The following PRKG1 variants were observed in gnomAD, a reference collection of about 807,000 sequenced individuals.
PRKG1 encodes protein kinase cGMP-dependent 1, also known as cGMP-dependent protein kinase 1.
Under a neutral mutation model 88.1 loss-of-function variants are expected in PRKG1, and 35 were observed. That is an observed-to-expected ratio of 0.40 (90% CI 0.30 to 0.53). PRKG1 has a LOEUF of 0.53. Among genes scored for constraint, PRKG1 ranks in the 20% least tolerant of loss-of-function variants. The pLI is 0.59. For missense variants in PRKG1, 540 were observed against 839.8 expected (o/e 0.64, Z 4.41); for synonymous variants, 303 against 292.5 (o/e 1.04, Z -0.37).
intron 3 of PRKG1, among the ~76,000 whole-genome samples, chr10:51,539,057 A>G (rs1469323373): frequency 6.6e-6 from 1 of 152,080 alleles, no homozygotes; most frequent in Non-Finnish European, 1.5e-5. Flanking sequence ...GGTGTTATGT[A>G]ATAGAGGAAA....
At chr10:51,447,183 A>T (rs571512256) in intron 2 of PRKG1, among the ~76,000 whole-genome samples, 5 of 152,156 alleles carry the variant, frequency 3.3e-5, no homozygotes, top group Admixed American at 2.6e-4. Flanking sequence ...GGCCATAAGT[A>T]GTCTCATATT....
chr10:51,004,034 GTATT>G (rs1842916008), intron 1 of PRKG1, among the ~76,000 whole-genome samples: 2 of 152,178 alleles, frequency 1.3e-5, no homozygotes, highest in South Asian at 4.1e-4. Context: ...TGTTATTTAT[GTATT>G]TATTTATAGG....
At chr10:51,829,254 T>C (rs188540665) in intron 4 of PRKG1, among the ~76,000 whole-genome samples, 25 of 152,346 alleles carry the variant, frequency 1.6e-4, no homozygotes, top group African/African-American at 6.0e-4. Flanking sequence ...CCATGTCTTC[T>C]TATGCTTTCA....
chr10:51,140,126 T>C (rs1457475887), intron 1 of PRKG1, among the ~76,000 whole-genome samples: 4 of 152,230 alleles, frequency 2.6e-5, no homozygotes, highest in Admixed American at 2.0e-4. Flanking sequence ...TCACTGATCC[T>C]TGAGTCTCAG....
intron 4 of PRKG1, among the ~76,000 whole-genome samples, chr10:51,877,213 C>T (rs1432919201): frequency 6.6e-6 from 1 of 152,140 alleles, no homozygotes; most frequent in Non-Finnish European, 1.5e-5. Flanking sequence ...TGGTGCACTA[C>T]CACCTGTACC....
In PRKG1 at chr10:51,677,893, A is replaced by T. The variant is rs564612744; in HGVS notation, c.593-126692A>T. Among the ~76,000 whole-genome samples the T allele has an allele frequency of 7.8e-4, 119 of 152,322 alleles. 1 individual carries two copies. The highest frequency in any genetic ancestry group is 2.8e-3 in the African/African-American group (115 of 41,572). The stretch of plus-strand genomic sequence containing the variant: ...CATAGGTGAGATAGGGACATGGAAG[A>T]TCCCATATTTTGGTTTCATGGTCAA... On this transcript the variant is annotated intron_variant, in intron 3 of 17. Coordinates refer to ENST00000373980, the MANE Select transcript of PRKG1 (RefSeq NM_006258.4).
At chr10:51,038,533 T>C (rs1449058308) in intron 1 of PRKG1, among the ~76,000 whole-genome samples, 1 of 152,210 alleles carries the variant, frequency 6.6e-6, no homozygotes, top group Non-Finnish European at 1.5e-5. Context: ...TCTCCATGAA[T>C]TCAATTCTTT....
At chr10:51,148,202 T>C in intron 1 of PRKG1, 1 of 976,682 alleles carries the variant, frequency 1.0e-6, no homozygotes. Flanking sequence ...TGGACTGTCA[T>C]GTCCTCAATG....
In PRKG1 at chr10:51,050,935, G is replaced by A. The variant is rs147354156; in HGVS notation, c.266+59291G>A. On this transcript the variant is annotated intron_variant, in intron 1 of 17. Coordinates refer to the PRKG1 transcript ENST00000401604. ...ATACCTTTTCATATACTTCATGGCC[G>A]TTTGTGTGTCTTTTTTTGAAGAAAT... 3.5e-3 allele frequency among the ~76,000 whole-genome samples: 529 copies of A among 152,060 alleles called. 5 individuals are homozygous for A. The highest frequency in any genetic ancestry group is 0.012 in the African/African-American group (510 of 41,498).
chr10:51,047,819 T>A (rs953938985), intron 1 of PRKG1, among the ~76,000 whole-genome samples: 1 of 152,108 alleles, frequency 6.6e-6, no homozygotes, highest in Non-Finnish European at 1.5e-5. Flanking sequence ...ACCAAGAAGG[T>A]CAAGAGTATA....
intron 10 of PRKG1, among the ~76,000 whole-genome samples, chr10:52,254,475 T>C (rs937240251): frequency 1.3e-5 from 2 of 152,036 alleles, no homozygotes; most frequent in Admixed American, 6.6e-5. Flanking sequence ...AGTTACACTT[T>C]AATTTTAAAA....
intron 7 of PRKG1, chr10:52,128,361 TC>T: frequency 1.0e-6 from 1 of 985,332 alleles, no homozygotes. Context: ...CTGTGTTTGT[TC>T]CCCTGAGGTA....
At chr10:51,888,871 TTATCTC>T (rs1487600936) in intron 4 of PRKG1, among the ~76,000 whole-genome samples, 1 of 152,200 alleles carries the variant, frequency 6.6e-6, no homozygotes, top group East Asian at 1.9e-4. Context: ...AATTATATGA[TTATCTC>T]TATGTCACTG....
intron 17 of PRKG1, among the ~76,000 whole-genome samples, chr10:52,292,089 C>G (rs900642934): frequency 1.3e-4 from 20 of 152,198 alleles, no homozygotes; most frequent in African/African-American, 4.6e-4. Flanking sequence ...ATGTCCTTGG[C>G]CCACTTTTTG....
At chr10:51,110,252 G>A (rs1388281458) in intron 1 of PRKG1, among the ~76,000 whole-genome samples, 4 of 152,068 alleles carry the variant, frequency 2.6e-5, no homozygotes, top group Non-Finnish European at 1.5e-5. Flanking sequence ...CTTGTGGGGT[G>A]TCCATAGCAG....
At chr10:51,105,306 T>G (rs1269976410) in intron 1 of PRKG1, among the ~76,000 whole-genome samples, 1 of 152,248 alleles carries the variant, frequency 6.6e-6, no homozygotes, top group Non-Finnish European at 1.5e-5. Flanking sequence ...ACCATTTATG[T>G]AAAATCTCCA....
chr10:52,018,698 G>T (rs900038908), intron 5 of PRKG1, among the ~76,000 whole-genome samples: 2 of 152,094 alleles, frequency 1.3e-5, no homozygotes, highest in African/African-American at 4.8e-5. Context: ...AAGAATAATT[G>T]TACCGAGCAG....
chr10:51,464,549 C>A (rs1042133177), intron 2 of PRKG1, among the ~76,000 whole-genome samples: 2 of 151,970 alleles, frequency 1.3e-5, no homozygotes, highest in African/African-American at 4.8e-5. Flanking sequence ...ATAATTTATA[C>A]CTACCTTATC....
At chr10:51,886,455 C>A (rs1434274054) in intron 4 of PRKG1, among the ~76,000 whole-genome samples, 1 of 152,040 alleles carries the variant, frequency 6.6e-6, no homozygotes, top group Non-Finnish European at 1.5e-5. Flanking sequence ...TATTTAGGGC[C>A]AGCAAATTCC....
Sources: allele counts gnomAD v4.1 joint callset (sites outside exome capture counted in the v4.1 genomes callset), GRCh38; gene constraint gnomAD v4.1.1; transcripts MANE v1.5; gene names NCBI Gene and HGNC (gene_info 2026-07-23, HGNC 2026-07-21).